RXRG: variants seen among roughly 807,000 people sequenced by gnomAD.
RXRG encodes retinoic acid receptor RXR-gamma.
A neutral mutation model predicts 49.2 loss-of-function variants in RXRG; 19 were observed. The observed-to-expected ratio is 0.39, with a 90% confidence interval of 0.27 to 0.57. The LOEUF is 0.57. Among genes scored for constraint, RXRG ranks in the 20% least tolerant of loss-of-function variants. RXRG has a pLI of 0.64. For synonymous variants in RXRG, 224 were observed against 216.6 expected (o/e 1.03, Z -0.30); for missense variants, 452 against 592.5 (o/e 0.76, Z 2.46).
At chr1:165,402,607 C>T (rs550718178) in intron 9 of RXRG, among the ~76,000 whole-genome samples, 2 of 152,024 alleles carry the variant, frequency 1.3e-5, no homozygotes, top group Non-Finnish European at 2.9e-5. Flanking sequence ...CACACGCACA[C>T]TCACACTCTT....
intron 4 of RXRG, among the ~76,000 whole-genome samples, chr1:165,415,481 G>T (rs1658094587): frequency 6.6e-6 from 1 of 152,202 alleles, no homozygotes; most frequent in Non-Finnish European, 1.5e-5. Context: ...GACTGTAGGA[G>T]GACAAAGATG....
intron 9 of RXRG, among the ~76,000 whole-genome samples, chr1:165,404,408 G>A (rs1438673907): frequency 6.6e-6 from 1 of 152,218 alleles, no homozygotes; most frequent in Non-Finnish European, 1.5e-5. Context: ...TATTCTGGCA[G>A]AAGAGTCAAG....
chr1:165,409,735 C>G, intron 6 of RXRG, 45 bp from the exon 7 acceptor site: 1 of 1,398,134 alleles, frequency 7.2e-7, no homozygotes, highest in South Asian at 1.9e-5. Context: ...AGAACACATT[C>G]TTTCTTTACT....
At position 165,417,202 on chromosome 1, in the gene RXRG, T is replaced by A. The variant is rs1453382307; in HGVS notation, c.461A>T (p.Tyr154Phe). 6.2e-7 allele frequency: 1 copy of A among 1,613,356 alleles called. No individual in the cohort carries two copies. Among genetic ancestry groups the A allele is most frequent in the East Asian group, 2.2e-5 (1 of 44,864 alleles). Residue 154 changes from tyrosine to phenylalanine, a missense_variant, in exon 4 of 10, where the codon TAC becomes TTC. Around this residue, in one of 2 missense-constraint regions of RXRG, gnomAD observed 286 missense variants for 440.9 expected, o/e 0.65. Coordinates refer to ENST00000359842, the MANE Select transcript of RXRG (RefSeq NM_006917.5). ...DRSSGKHYGVYSCEGCKGFFK... is the reference protein window; with the variant it reads ...DRSSGKHYGVFSCEGCKGFFK... Reference sequence around the variant, plus strand: ...GAACCCTTTGCAGCCTTCACAACTGTATACCCCGTAGTGCTTTCCTGGTTA... The same window carrying A: ...GAACCCTTTGCAGCCTTCACAACTGAATACCCCGTAGTGCTTTCCTGGTTA...
chr1:165,408,841 A>C (rs560313299), intron 7 of RXRG, among the ~76,000 whole-genome samples: 2 of 152,326 alleles, frequency 1.3e-5, no homozygotes, highest in African/African-American at 4.8e-5. Flanking sequence ...GCACATGACC[A>C]AAGAAGACCA....
At chr1:165,414,485 AG>A (rs1318054172) in intron 4 of RXRG, among the ~76,000 whole-genome samples, 4 of 152,224 alleles carry the variant, frequency 2.6e-5, no homozygotes, top group Non-Finnish European at 2.9e-5. Context: ...ATAACTCTAG[AG>A]AAATAGAAAT....
chr1:165,420,063 T>C (rs376281980), intron 2 of RXRG, 49 bp from the exon 3 acceptor site: 7 of 1,452,370 alleles, frequency 4.8e-6, no homozygotes, highest in South Asian at 3.0e-5. Context: ...GTAAATTCAA[T>C]CCCCAAGGCC....
chr1:165,421,630 A>C (rs1475251545), intron 2 of RXRG, among the ~76,000 whole-genome samples: 2 of 151,628 alleles, frequency 1.3e-5, no homozygotes, highest in Non-Finnish European at 2.9e-5. Flanking sequence ...CCCTGGTTCA[A>C]GCAATTCCCC....
chr1:165,406,858 T>G lies in RXRG; in HGVS notation c.1198A>C (p.Thr400Pro). The G allele has an allele frequency of 6.2e-7, 1 of 1,613,954 alleles. No homozygotes were observed. The highest frequency in any genetic ancestry group is 8.5e-7 in the Non-Finnish European group (1 of 1,179,980). The change falls in exon 9 of 10, where the codon ACC (threonine) becomes CCC (proline). Residue 400 changes from threonine to proline, a missense_variant. By Grantham distance (38) the Thr-to-Pro change is conservative. This residue lies in a region of RXRG where 286 missense variants were observed against 440.9 expected (regional missense o/e 0.65). Coordinates refer to ENST00000359842, the MANE Select transcript of RXRG (RefSeq NM_006917.5). Reference protein sequence around the residue: ...VETLREKVYATLEAYTKQKYP... With the variant: ...VETLREKVYAPLEAYTKQKYP... ...TTCTGCTTGGTGTAGGCCTCAAGGG[T>G]GGCATAAACCTTCTCTCGCAGAGTC...
At position 165,419,989 on chromosome 1, in the gene RXRG, C is replaced by T; in HGVS notation, c.323G>A (p.Ser108Asn). The T allele has an allele frequency of 1.2e-6, 2 of 1,608,692 alleles. No individual in the cohort carries two copies. The highest frequency in any genetic ancestry group is 1.1e-5 in the South Asian group (1 of 89,986). The change falls in exon 3 of 10, where the codon AGT becomes AAT. Residue 108 changes from serine (S) to asparagine (N), a missense_variant. Around this residue, in one of 2 missense-constraint regions of RXRG, gnomAD observed 166 missense variants for 151.7 expected, o/e 1.09. Coordinates refer to ENST00000359842, the MANE Select transcript of RXRG (RefSeq NM_006917.5). ...TGGTAAGGGCTTGATGTCCTCTGAACTGCTGACACTGTTGACCACATTTAG... is the reference window on the plus strand; with the variant it reads ...TGGTAAGGGCTTGATGTCCTCTGAATTGCTGACACTGTTGACCACATTTAG... ...SQLNVVNSVSSSEDIKPLPGL... is the reference protein window; with the variant it reads ...SQLNVVNSVSNSEDIKPLPGL...
At chr1:165,416,372 C>A (rs1205452798) in intron 4 of RXRG, among the ~76,000 whole-genome samples, 2 of 152,084 alleles carry the variant, frequency 1.3e-5, no homozygotes, top group Non-Finnish European at 2.9e-5. Flanking sequence ...TTCTCTCATA[C>A]TAGAATACCC....
intron 4 of RXRG, among the ~76,000 whole-genome samples, chr1:165,413,281 C>T (rs1658012279): frequency 6.6e-6 from 1 of 152,110 alleles, no homozygotes; most frequent in African/African-American, 2.4e-5. Context: ...CAAACTTCTG[C>T]CTTAGGAAAG....
chr1:165,434,599 C>G (rs980252716), intron 1 of RXRG, among the ~76,000 whole-genome samples: 1 of 152,174 alleles, frequency 6.6e-6, no homozygotes, highest in Non-Finnish European at 1.5e-5. Flanking sequence ...AATGCCCACC[C>G]ATGGGGAAAG....
intron 2 of RXRG, chr1:165,424,922 A>G: frequency 4.1e-6 from 4 of 985,592 alleles, no homozygotes; most frequent in Non-Finnish European, 4.8e-6. Context: ...AACCGAGCAA[A>G]GCATTGCTGC....
intron 1 of RXRG, among the ~76,000 whole-genome samples, chr1:165,433,643 A>G (rs1557925054): frequency 6.6e-6 from 1 of 152,234 alleles, no homozygotes; most frequent in Non-Finnish European, 1.5e-5. Context: ...TTCCCCCAGT[A>G]AGGAGCTGGC....
chr1:165,439,212 C>T (rs1658906518), intron 1 of RXRG, among the ~76,000 whole-genome samples: 1 of 142,612 alleles, frequency 7.0e-6, no homozygotes, highest in South Asian at 2.2e-4. Flanking sequence ...GGCTGATTAT[C>T]AATCTTTCCC....
intron 2 of RXRG, 135 bp downstream of exon 2, chr1:165,428,584 A>T: frequency 1.0e-6 from 1 of 985,548 alleles, no homozygotes; most frequent in Non-Finnish European, 1.5e-6. Context: ...TGCCTGAGGG[A>T]CGTCTGCAGA....
intron 1 of RXRG, among the ~76,000 whole-genome samples, chr1:165,433,875 G>A (rs1658749794): frequency 6.6e-6 from 1 of 152,190 alleles, no homozygotes; most frequent in Non-Finnish European, 1.5e-5. Context: ...GTCACCAGGA[G>A]CCAAAACTGA....
At chr1:165,432,803 T>A (rs1658710196) in intron 1 of RXRG, among the ~76,000 whole-genome samples, 1 of 152,206 alleles carries the variant, frequency 6.6e-6, no homozygotes, top group Non-Finnish European at 1.5e-5. Context: ...TGCAAATTTA[T>A]CCAGGAGAGA....
Sources: allele counts gnomAD v4.1 joint callset (sites outside exome capture counted in the v4.1 genomes callset), GRCh38; gene constraint gnomAD v4.1.1; regional missense constraint gnomAD v4.1.1; transcripts MANE v1.5; gene names NCBI Gene and HGNC (gene_info 2026-07-23, HGNC 2026-07-21).